SLC39A11: variants seen among roughly 807,000 people sequenced by gnomAD.
SLC39A11 encodes zinc transporter ZIP11.
In SLC39A11, 33 loss-of-function variants were observed where a neutral mutation model predicts 36.1. That is an observed-to-expected ratio of 0.91 (90% confidence interval 0.69 to 1.22). The LOEUF is 1.22. Among genes scored for constraint, SLC39A11 ranks in the 50% most tolerant of loss-of-function variants. SLC39A11 has a pLI of 0.00. For missense variants in SLC39A11, 432 were observed against 430.3 expected (o/e 1.00, Z -0.03); for synonymous variants, 166 against 170.3 (o/e 0.97, Z 0.20).
chr17:73,006,863 G>T (rs1423997706), intron 4 of SLC39A11, among the ~76,000 whole-genome samples: 1 of 152,122 alleles, frequency 6.6e-6, no homozygotes, highest in Non-Finnish European at 1.5e-5. Flanking sequence ...GATTAAGGGG[G>T]CCTCAGCATC....
intron 6 of SLC39A11, among the ~76,000 whole-genome samples, chr17:72,755,271 A>G (rs984349916): frequency 2.6e-5 from 4 of 152,272 alleles, no homozygotes; most frequent in South Asian, 2.1e-4. Flanking sequence ...TAGTGAAGAC[A>G]TGGATCAAAG....
chr17:72,839,385 C>T (rs2078708577), intron 6 of SLC39A11: 1 of 152,054 alleles, frequency 6.6e-6, no homozygotes, highest in African/African-American at 2.4e-5. Flanking sequence ...TGGGTGGTCC[C>T]TCAATGCAAC....
intron 6 of SLC39A11, among the ~76,000 whole-genome samples, chr17:72,840,791 C>T (rs1432487769): frequency 1.3e-5 from 2 of 151,594 alleles, no homozygotes; most frequent in South Asian, 2.1e-4. Context: ...TGCAGTGGCT[C>T]ATGCCCGTAA....
chr17:72,692,916 T>G (rs2072101803), intron 7 of SLC39A11, among the ~76,000 whole-genome samples: 1 of 152,186 alleles, frequency 6.6e-6, no homozygotes. Flanking sequence ...GGCTCAGACC[T>G]AACCAGGGTC....
chr17:72,842,685 A>T (rs1008020461), intron 6 of SLC39A11, among the ~76,000 whole-genome samples: 2 of 152,160 alleles, frequency 1.3e-5, no homozygotes, highest in African/African-American at 4.8e-5. Flanking sequence ...TTTCTAAAAA[A>T]CCATGTTGTT....
intron 6 of SLC39A11, among the ~76,000 whole-genome samples, chr17:72,773,968 A>G (rs1362788733): frequency 6.6e-6 from 1 of 152,174 alleles, no homozygotes; most frequent in East Asian, 1.9e-4. Flanking sequence ...CTCTTACACC[A>G]AAGAGCAAGA....
chr17:72,802,861 T>C (rs2077137568), intron 6 of SLC39A11, among the ~76,000 whole-genome samples: 1 of 152,074 alleles, frequency 6.6e-6, no homozygotes, highest in Admixed American at 6.5e-5. Flanking sequence ...CCAGGGAATG[T>C]GTCAAAACTA....
intron 4 of SLC39A11, among the ~76,000 whole-genome samples, chr17:72,988,856 G>A (rs950974777): frequency 6.6e-6 from 1 of 152,094 alleles, no homozygotes; most frequent in African/African-American, 2.4e-5. Flanking sequence ...TTACAGGCGT[G>A]AGCCACCACG....
rs113104491 is a variant in SLC39A11 at position 72,787,183 on chromosome 17, T to A, written c.602-50464A>T. Among the ~76,000 whole-genome samples, 7 of 151,860 alleles carry A rather than the reference T, an allele frequency of 4.6e-5. 1 individual carries two copies. The highest frequency in any genetic ancestry group is 1.4e-4 in the African/African-American group (6 of 41,400). On this transcript the variant is annotated intron_variant, in intron 6 of 9. Transcript: ENST00000255559. ...GTATCAGCTTATGCGGATGAATGCA[T>A]CTTAAGAGGCTCTGAAATAGTATGC...
intron 1 of SLC39A11, 112 bp from the exon 2 acceptor site, chr17:73,088,887 C>T (rs1041854071): frequency 1.1e-5 from 8 of 726,172 alleles, no homozygotes; most frequent in Non-Finnish European, 1.7e-5. Context: ...CCAGGTTGAC[C>T]GTATGCACCC....
chr17:72,959,325 G>GTGTA (rs1436484912), intron 4 of SLC39A11, among the ~76,000 whole-genome samples: 109 of 65,532 alleles, frequency 1.7e-3, no homozygotes, highest in African/African-American at 4.5e-3. Flanking sequence ...GTGTGTGTGT[G>GTGTA]TATATATATA....
chr17:73,038,221 C>G (rs1331304191), intron 3 of SLC39A11, among the ~76,000 whole-genome samples: 1 of 151,832 alleles, frequency 6.6e-6, no homozygotes, highest in African/African-American at 2.4e-5. Flanking sequence ...AAGAAACTGT[C>G]TCAAAAACAA....
At chr17:72,981,824 C>A (rs1568064721) in intron 4 of SLC39A11, among the ~76,000 whole-genome samples, 1 of 145,598 alleles carries the variant, frequency 6.9e-6, no homozygotes. Context: ...ACAAGGAGCT[C>A]CAAAATAATG....
chr17:72,672,443 T>A (rs1442728704), intron 7 of SLC39A11, among the ~76,000 whole-genome samples: 1 of 152,190 alleles, frequency 6.6e-6, no homozygotes, highest in Non-Finnish European at 1.5e-5. Context: ...AGTGAAACTC[T>A]GTCTCAAAAA....
chr17:72,784,864 T>C (rs868394440), intron 6 of SLC39A11, among the ~76,000 whole-genome samples: 12,420 of 130,776 alleles, frequency 0.095, 713 homozygotes, highest in Non-Finnish European at 0.13. Context: ...TTTCTTCTTT[T>C]TTTTTTTTTT....
At chr17:72,757,348 G>T (rs2075395448) in intron 6 of SLC39A11, among the ~76,000 whole-genome samples, 1 of 152,032 alleles carries the variant, frequency 6.6e-6, no homozygotes, top group Admixed American at 6.5e-5. Flanking sequence ...TGAAGATGGT[G>T]GCCCCCTAGG....
rs1240617003 is a variant in SLC39A11 at position 72,782,590 on chromosome 17, G to T, written c.602-45871C>A. On this transcript the variant is annotated intron_variant, in intron 6 of 9. Coordinates refer to ENST00000255559, the MANE Select transcript of SLC39A11 (RefSeq NM_139177.4). ...TATAATCCCGGTTACTTGGGAGGCT[G>T]AGGCTGGAGAACTGTTTGAACTGGG... is the stretch of plus-strand genomic sequence containing the variant. Among the ~76,000 whole-genome samples, 3 of 150,738 alleles carry T rather than the reference G, an allele frequency of 2.0e-5. No individual in the cohort carries two copies. The Admixed American group carries it at 2.0e-4, about 10-fold the overall frequency.
intron 6 of SLC39A11, among the ~76,000 whole-genome samples, chr17:72,782,697 A>G (rs906711054): frequency 2.0e-4 from 27 of 135,672 alleles, no homozygotes; most frequent in Non-Finnish European, 2.6e-4. Context: ...CAAAAAAAAA[A>G]AAAAAAAAAA....
intron 6 of SLC39A11, among the ~76,000 whole-genome samples, chr17:72,806,766 A>G (rs1357756470): frequency 1.3e-5 from 2 of 152,128 alleles, no homozygotes; most frequent in Non-Finnish European, 1.5e-5. Flanking sequence ...TATTTTTAGT[A>G]GAGACGGGGT....
Sources: allele counts gnomAD v4.1 joint callset (sites outside exome capture counted in the v4.1 genomes callset), GRCh38; gene constraint gnomAD v4.1.1; transcripts MANE v1.5; gene names NCBI Gene and HGNC (gene_info 2026-07-23, HGNC 2026-07-21).